The following FBXL13 variants were observed in gnomAD, a reference collection of about 807,000 sequenced individuals.
FBXL13 encodes the protein F-box and leucine-rich repeat protein 13.
In FBXL13, 67 loss-of-function variants were observed where a neutral mutation model predicts 83.6. That is an observed-to-expected ratio of 0.80 (90% CI 0.66 to 0.98). The LOEUF (loss-of-function observed/expected upper bound fraction) is 0.98. Among genes scored for constraint, FBXL13 ranks in the 50% least tolerant of loss-of-function variants. The pLI is 0.00. For synonymous variants in FBXL13, 272 were observed against 299.5 expected (o/e 0.91, Z 0.95); for missense variants, 822 against 866.5 (o/e 0.95, Z 0.64).
chr7:102,962,457 A>G (rs951631772), intron 8 of FBXL13, among the ~76,000 whole-genome samples: 3 of 152,176 alleles, frequency 2.0e-5, no homozygotes, highest in African/African-American at 4.8e-5. Context: ...TGGAAATACC[A>G]TTTGACCCAG....
intron 6 of FBXL13, among the ~76,000 whole-genome samples, chr7:102,981,974 G>T (rs1023273834): frequency 6.6e-6 from 1 of 152,134 alleles, no homozygotes; most frequent in African/African-American, 2.4e-5. Context: ...TGAGGCTGAG[G>T]GGGGCAGATC....
At chr7:102,827,917 G>A (rs1304104894) in intron 18 of FBXL13, among the ~76,000 whole-genome samples, 1 of 151,938 alleles carries the variant, frequency 6.6e-6, no homozygotes, top group African/African-American at 2.4e-5. Context: ...ATTTCTGAGG[G>A]CTCTGTTCTG....
rs756442021 is a variant in FBXL13 at position 102,866,661 on chromosome 7, T to A, written c.1635+10806A>T. ...TATTTTTGTGTGTGTTCCATGCAGA[T>A]GGGTGGTCTCTTGCAATTGTATCAT... On this transcript the variant is annotated intron_variant, in intron 16 of 19. Coordinates refer to ENST00000313221, the Ensembl canonical transcript of FBXL13. 3.4e-4 allele frequency among the ~76,000 whole-genome samples: 51 copies of A among 152,196 alleles called. 2 individuals are homozygous for A. Among genetic ancestry groups the A allele is most frequent in the Non-Finnish European group, 1.5e-5 (1 of 68,030 alleles).
chr7:103,033,378 G>C (rs1471247213), intron 2 of FBXL13, among the ~76,000 whole-genome samples: 1 of 152,192 alleles, frequency 6.6e-6, no homozygotes, highest in East Asian at 1.9e-4. Context: ...GAAAGGCATT[G>C]TGTCCAGAAT....
At chr7:102,933,991 G>A (rs1281911649) in intron 8 of FBXL13, 4 of 1,614,122 alleles carry the variant, frequency 2.5e-6, no homozygotes, top group Non-Finnish European at 2.5e-6. Context: ...CAGGCAGTGT[G>A]AGAAGCCGAG....
intron 14 of FBXL13, 40 bp from the exon 16 acceptor site, chr7:102,878,490 T>C (rs745415249): frequency 5.7e-6 from 8 of 1,411,006 alleles, no homozygotes; most frequent in South Asian, 2.7e-5. Context: ...TGATTCTATA[T>C]ATAAACATAT....
intron 14 of FBXL13, among the ~76,000 whole-genome samples, chr7:102,879,091 G>A (rs1162251020): frequency 6.6e-6 from 1 of 152,020 alleles, no homozygotes; most frequent in East Asian, 1.9e-4. Context: ...TCTTCCATTG[G>A]GATCTTCATT....
At chr7:102,946,958 G>A (rs958868768) in intron 8 of FBXL13, among the ~76,000 whole-genome samples, 2 of 152,118 alleles carry the variant, frequency 1.3e-5, no homozygotes, top group African/African-American at 4.8e-5. Flanking sequence ...TTACAGGCAT[G>A]AGCCACTGAG....
intron 6 of FBXL13, among the ~76,000 whole-genome samples, chr7:102,995,170 G>A (rs1369374146): frequency 3.3e-5 from 5 of 152,104 alleles, no homozygotes; most frequent in African/African-American, 1.2e-4. Context: ...GGGGGAAGCT[G>A]GGGTGAGAGA....
chr7:102,847,371 A>G (rs189796053), intron 17 of FBXL13, among the ~76,000 whole-genome samples: 6 of 152,364 alleles, frequency 3.9e-5, no homozygotes, highest in Admixed American at 1.3e-4. Context: ...CTTGACAGCT[A>G]GTCCCACATT....
chr7:103,004,278 G>A (rs1294164208), intron 6 of FBXL13, among the ~76,000 whole-genome samples: 1 of 152,216 alleles, frequency 6.6e-6, no homozygotes, highest in Non-Finnish European at 1.5e-5. Context: ...TAGTGGTGCT[G>A]TAAGTCCATC....
intron 18 of FBXL13, chr7:102,827,206 T>C (rs765771929): frequency 1.9e-4 from 84 of 448,890 alleles, no homozygotes; most frequent in Non-Finnish European, 2.0e-4. Context: ...CTCAGCTAGC[T>C]TGCTGGAGGA....
chr7:102,858,688 A>G (rs1806380772), intron 16 of FBXL13, among the ~76,000 whole-genome samples: 1 of 152,262 alleles, frequency 6.6e-6, no homozygotes, highest in Admixed American at 6.5e-5. Flanking sequence ...GCATGCTACT[A>G]TATGAACGAA....
intron 2 of FBXL13, among the ~76,000 whole-genome samples, chr7:103,037,135 T>A (rs957972496): frequency 6.6e-6 from 1 of 152,226 alleles, no homozygotes; most frequent in African/African-American, 2.4e-5. Flanking sequence ...CTAGTTCATA[T>A]CTTCATTACT....
At position 102,912,675 on chromosome 7, in the gene FBXL13, C is replaced by A. The variant is rs3735214; in HGVS notation, c.1008+411G>T. On this transcript the variant is annotated intron_variant, in intron 11 of 19. Transcript: ENST00000313221. ...ATTTATCACTTATAGCATTTTACCC[C>A]CCCCCCCCCAAAAAAAAACCCATGT... Among the ~76,000 whole-genome samples the A allele has an allele frequency of 9.0e-4, 117 of 130,424 alleles. 4 individuals carry two copies. Among genetic ancestry groups the A allele is most frequent in the Admixed American group, 2.5e-3 (32 of 12,876 alleles). The allele number at this position is 130,424 out of a possible 152,430, so 85.6% of individuals were successfully genotyped here. A position where few individuals can be genotyped will look rare whatever the true frequency, so the allele number is the denominator to read the frequency against.
intron 11 of FBXL13, among the ~76,000 whole-genome samples, chr7:102,892,418 A>G (rs1811648098): frequency 6.6e-6 from 1 of 152,224 alleles, no homozygotes; most frequent in Non-Finnish European, 1.5e-5. Context: ...AACCATTTAA[A>G]TTTATATAAG....
intron 17 of FBXL13, among the ~76,000 whole-genome samples, chr7:102,847,135 G>A (rs1449903711): frequency 6.6e-6 from 1 of 152,004 alleles, no homozygotes; most frequent in Admixed American, 6.6e-5. Flanking sequence ...GCAAAGTTGG[G>A]AAGTTGCGAC....
intron 16 of FBXL13, among the ~76,000 whole-genome samples, chr7:102,871,078 C>T (rs1808455715): frequency 6.6e-6 from 1 of 152,100 alleles, no homozygotes; most frequent in African/African-American, 2.4e-5. Context: ...ATGGATTCAT[C>T]TTCTTCTTTC....
intron 1 of FBXL13, among the ~76,000 whole-genome samples, chr7:103,060,615 A>G (rs1361071393): frequency 6.6e-6 from 1 of 152,242 alleles, no homozygotes; most frequent in Non-Finnish European, 1.5e-5. Context: ...AGTAACTATT[A>G]TAACCCTTGG....
Sources: gnomAD v4.1 joint callset for allele counts (sites outside exome capture counted in the v4.1 genomes callset) on GRCh38, gnomAD v4.1.1 for gene constraint, MANE v1.5 for transcripts, NCBI Gene and HGNC (gene_info 2026-07-23, HGNC 2026-07-21) for gene names.